Variants in RNF6 observed in about 807,000 individuals in gnomAD.
The protein encoded by RNF6 is E3 ubiquitin-protein ligase RNF6.
Under a neutral mutation model 50.1 loss-of-function variants are expected in RNF6, and 21 were observed. The observed-to-expected ratio is 0.42, with a 90% confidence interval of 0.30 to 0.60. The LOEUF (loss-of-function observed/expected upper bound fraction) is 0.60, where lower values mean the gene tolerates loss of function less well. Ranked by LOEUF, RNF6 falls within the 20% of genes least tolerant of loss-of-function variation. The probability of loss-of-function intolerance (pLI) is 0.20; values close to 1 mark genes in which losing one functional copy is unlikely to be tolerated. For synonymous variants in RNF6, 255 were observed against 291.8 expected (o/e 0.87, Z 1.29); for missense variants, 698 against 838.2 (o/e 0.83, Z 2.07).
intron 5 of RNF6, among the ~76,000 whole-genome samples, chr13:26,159,833 G>A (rs1179057824): frequency 1.3e-5 from 2 of 151,904 alleles, no homozygotes; most frequent in African/African-American, 2.4e-5. Flanking sequence ...ATACAATAAC[G>A]AATATAAGGA....
chr13:26,200,364 C>T (rs1419907850), intron 5 of RNF6, among the ~76,000 whole-genome samples: 2 of 151,914 alleles, frequency 1.3e-5, no homozygotes, highest in Non-Finnish European at 2.9e-5. Flanking sequence ...TCAGATGAGC[C>T]CCACACTTGG....
Position 26,214,142 on chromosome 13 carries a change from A to C in RNF6, c.1740T>G (p.Thr580=), listed in dbSNP as rs528688246. Residue 580 remains threonine (T), a synonymous_variant, in exon 5 of 5, where the codon ACT becomes ACG. Transcript: ENST00000381588. ...CAAGGCGAAGAATGGGTAGTGTTCC[A>C]GTTTCAACTAAATTGTTTGGATTTC... ...QLRNPNNLVE[T]GTLPILRLAH... 3 of 1,614,214 alleles carry C rather than the reference A, an allele frequency of 1.9e-6. No homozygotes were observed. Among genetic ancestry groups the C allele is most frequent in the Non-Finnish European group, 2.5e-6 (3 of 1,180,040 alleles).
chr13:26,148,632 T>TCTCTCTCTCTCTCTCTC (rs1427060316), intron 5 of RNF6, among the ~76,000 whole-genome samples: 8 of 47,068 alleles, frequency 1.7e-4, no homozygotes, highest in African/African-American at 8.4e-4. Context: ...ATAAATCTCT[T>TCTCTCTCTCTCTCTCTC]TATATATATA....
chr13:26,154,415 G>A (rs1871796560), intron 5 of RNF6, among the ~76,000 whole-genome samples: 1 of 152,184 alleles, frequency 6.6e-6, no homozygotes, highest in Admixed American at 6.5e-5. Flanking sequence ...TATGTGTAGA[G>A]TTAACATGGA....
intron 5 of RNF6, among the ~76,000 whole-genome samples, chr13:26,139,325 G>A (rs1182150946): frequency 6.6e-6 from 1 of 152,116 alleles, no homozygotes; most frequent in Non-Finnish European, 1.5e-5. Context: ...CCTCTGCCCT[G>A]CCTTGCCTTT....
intron 5 of RNF6, among the ~76,000 whole-genome samples, chr13:26,198,829 A>C (rs1192164983): frequency 2.0e-5 from 3 of 152,022 alleles, no homozygotes; most frequent in African/African-American, 4.8e-5. Context: ...TTGTACAGGT[A>C]TAGGTAAATA....
chr13:26,197,952 A>C (rs2137699743), intron 5 of RNF6, among the ~76,000 whole-genome samples: 1 of 151,904 alleles, frequency 6.6e-6, no homozygotes, highest in South Asian at 2.1e-4. Flanking sequence ...AATCCTAAAT[A>C]ACTTGTAGGT....
rs193186552 is a variant in RNF6 at position 26,195,423 on chromosome 13, A to G, written n.768+20051T>C. On this transcript the variant is annotated intron_variant and non_coding_transcript_variant, in intron 5 of 5. Transcript: ENST00000468480. ...AGACAATTATGAAGGTGTAACACAC[A>G]TATAATAGGAATTCCAGAAGAAGAA... Among the ~76,000 whole-genome samples the G allele has an allele frequency of 2.6e-5, 4 of 152,324 alleles. No individual in the cohort carries two copies. In the East Asian group the frequency reaches 7.7e-4, roughly 29 times the overall value.
chr13:26,214,677 T>C lies in RNF6; in HGVS notation c.1205A>G (p.Gln402Arg), dbSNP rs1171453052. The change falls in exon 5 of 5, where the codon CAA becomes CGA. Residue 402 changes from glutamine to arginine, a missense_variant. Gln to Arg is a conservative substitution (Grantham distance 43). Transcript: ENST00000381588. ...TTCTCCAGGACGGATCCTTCTCACT[T>C]GAAGGTCCAGTGTGATTGTTGGATG... ...RRHPTITLDLQVRRIRPGENR... is the reference protein window; with the variant it reads ...RRHPTITLDLRVRRIRPGENR... 11 of 1,614,126 alleles carry C rather than the reference T, an allele frequency of 6.8e-6. No homozygotes were observed. The highest frequency in any genetic ancestry group is 8.5e-6 in the Non-Finnish European group (10 of 1,180,042).
chr13:26,149,637 A>C (rs1360014480), intron 5 of RNF6, among the ~76,000 whole-genome samples: 1 of 151,524 alleles, frequency 6.6e-6, no homozygotes, highest in Non-Finnish European at 1.5e-5. Context: ...TTAATTGTAA[A>C]GTCCTCTTTG....
At chr13:26,165,432 A>T (rs1481718954) in intron 5 of RNF6, among the ~76,000 whole-genome samples, 1 of 152,200 alleles carries the variant, frequency 6.6e-6, no homozygotes, top group Non-Finnish European at 1.5e-5. Flanking sequence ...CTACTGCGGC[A>T]CTGCCTAGTG....
intron 5 of RNF6, among the ~76,000 whole-genome samples, chr13:26,159,208 T>A (rs1000904231): frequency 6.6e-6 from 1 of 152,188 alleles, no homozygotes; most frequent in Non-Finnish European, 1.5e-5. Flanking sequence ...TTATATTGCC[T>A]TTGAGCCAAA....
intron 5 of RNF6, among the ~76,000 whole-genome samples, chr13:26,148,435 C>T (rs1037407591): frequency 3.3e-5 from 5 of 151,754 alleles, no homozygotes; most frequent in Admixed American, 1.3e-4. Flanking sequence ...CATGAACTAT[C>T]AGTGCTCTCT....
intron 5 of RNF6, among the ~76,000 whole-genome samples, chr13:26,145,660 A>C (rs1031247515): frequency 6.6e-6 from 1 of 152,248 alleles, no homozygotes; most frequent in African/African-American, 2.4e-5. Flanking sequence ...TTGCAGAAGC[A>C]TGAGCTAATT....
At chr13:26,160,647 G>A (rs910044790) in intron 5 of RNF6, among the ~76,000 whole-genome samples, 1 of 147,852 alleles carries the variant, frequency 6.8e-6, no homozygotes, top group African/African-American at 2.5e-5. Flanking sequence ...AAATTGTGCT[G>A]AGACAGTTGG....
chr13:26,202,601 T>A (rs999392399), intron 5 of RNF6, among the ~76,000 whole-genome samples: 1 of 152,126 alleles, frequency 6.6e-6, no homozygotes, highest in African/African-American at 2.4e-5. Context: ...TCTTATCTCT[T>A]GCTTCACAGC....
intron 5 of RNF6, among the ~76,000 whole-genome samples, chr13:26,164,585 A>C (rs931632646): frequency 6.6e-6 from 1 of 152,146 alleles, no homozygotes; most frequent in Non-Finnish European, 1.5e-5. Context: ...ATTCAATATC[A>C]TCTTTTATTC....
rs1469806323 is a variant in RNF6, at chr13:26,214,763, C to T, written c.1119G>A (p.Val373=). 6.2e-7 allele frequency: 1 copy of T among 1,614,054 alleles called. No homozygotes were observed. Among genetic ancestry groups the T allele is most frequent in the African/African-American group, 1.3e-5 (1 of 74,916 alleles). Residue 373 remains valine (V), a synonymous_variant, in exon 5 of 5, where the codon GTG becomes GTA. Coordinates refer to ENST00000381588, the MANE Select transcript of RNF6 (RefSeq NM_005977.4). Reference sequence around the variant, plus strand: ...CTCCTTCTTCTACTGTTATTCTTGACACAAGCCTTGAATTAGAGAATGGGG... The same window carrying T: ...CTCCTTCTTCTACTGTTATTCTTGATACAAGCCTTGAATTAGAGAATGGGG... ...AYTPFSNSRL[V]SRITVEEGEE...
At position 26,149,175 on chromosome 13, in the gene RNF6, T is replaced by C. The variant is rs532340070; in HGVS notation, n.769-16724A>G. On this transcript the variant is annotated intron_variant and non_coding_transcript_variant, in intron 5 of 5. Transcript: ENST00000468480. The stretch of plus-strand genomic sequence containing the variant: ...TTAATCATCACATTTACCTTTTGTG[T>C]TTTTTAACTATTTTGTCTGCCATAT... 9.2e-5 allele frequency: 14 copies of C among 152,270 alleles called. 2 individuals carry two copies. The South Asian group carries it at 2.9e-3, about 32-fold the overall frequency. 9.4% of individuals were successfully genotyped at this position (152,270 alleles called of 1,614,324 possible). A position where few individuals can be genotyped will look rare whatever the true frequency, so the allele number is the denominator to read the frequency against.
Sources: gnomAD v4.1 joint callset for allele counts (sites outside exome capture counted in the v4.1 genomes callset) on GRCh38, gnomAD v4.1.1 for gene constraint, MANE v1.5 for transcripts, NCBI Gene and HGNC (gene_info 2026-07-23, HGNC 2026-07-21) for gene names.